MPPED2: variants seen among roughly 807,000 people sequenced by gnomAD.
The protein encoded by MPPED2 is metallophosphoesterase domain containing 2, also known as metallophosphoesterase MPPED2.
MPPED2 carries 5 observed loss-of-function variants against 33.0 expected under a neutral mutation model. The observed-to-expected ratio is 0.15, with a 90% CI of 0.08 to 0.32. The LOEUF is 0.32. Among genes scored for constraint, MPPED2 ranks in the 10% least tolerant of loss-of-function variants. MPPED2 has a pLI of 1.00. For missense variants in MPPED2, 275 were observed against 372.1 expected, an observed-to-expected ratio of 0.74 and a Z score of 2.15; for synonymous variants, 136 against 141.9, an observed-to-expected ratio of 0.96 and a Z score of 0.29.
chr11:30,547,114 CAAGATTGCCCAGCTAGTACATGGCTGAG>C (rs1432048050), intron 2 of MPPED2, among the ~76,000 whole-genome samples: 1 of 152,138 alleles, frequency 6.6e-6, no homozygotes, highest in African/African-American at 2.4e-5. Context: ...TTGACTTGCC[CAAGATTGCCCAGCTAGTACATGGCTGAG>C]AAGAGAATCA....
intron 4 of MPPED2, chr11:30,451,887 C>T (rs1401314811): frequency 5.1e-6 from 5 of 984,960 alleles, no homozygotes; most frequent in South Asian, 9.4e-5. Context: ...CTAGTTCCAG[C>T]TCAATGCAAT....
exon 7 of MPPED2, chr11:30,387,681 G>T (rs937556779): frequency 6.6e-6 from 1 of 152,314 alleles, no homozygotes; most frequent in East Asian, 1.9e-4. Context: ...GCTTCTTTGA[G>T]GTTCTGTGGT....
intron 4 of MPPED2, among the ~76,000 whole-genome samples, chr11:30,460,748 G>T (rs959185622): frequency 6.6e-6 from 1 of 152,182 alleles, no homozygotes; most frequent in Non-Finnish European, 1.5e-5. Flanking sequence ...AATTATGTCT[G>T]CTAAAAAGTA....
chr11:30,473,392 T>C (rs1951035346), intron 4 of MPPED2, among the ~76,000 whole-genome samples: 1 of 152,218 alleles, frequency 6.6e-6, no homozygotes, highest in Admixed American at 6.5e-5. Context: ...ACCTAGCTTC[T>C]GGAAATGCCT....
At chr11:30,414,171 G>T in intron 6 of MPPED2, 57 bp downstream of exon 6, 1 of 1,206,054 alleles carries the variant, frequency 8.3e-7, no homozygotes, top group Non-Finnish European at 1.2e-6. Context: ...CCTAGTTGTA[G>T]ACTGAGATAG....
chr11:30,542,459 C>CAAAAA (rs59474313), intron 2 of MPPED2, among the ~76,000 whole-genome samples: 72 of 77,756 alleles, frequency 9.3e-4, no homozygotes, highest in African/African-American at 3.6e-3. Flanking sequence ...ACCAAAAGTA[C>CAAAAA]AAAAAAAAAA....
At chr11:30,403,187 C>A (rs377294330) in intron 6 of MPPED2, among the ~76,000 whole-genome samples, 17 of 151,698 alleles carry the variant, frequency 1.1e-4, no homozygotes, top group African/African-American at 3.9e-4. Flanking sequence ...GCGGAGCTTG[C>A]CGTGAGCCGA....
At chr11:30,566,024 A>G (rs2134760550) in intron 2 of MPPED2, among the ~76,000 whole-genome samples, 1 of 152,302 alleles carries the variant, frequency 6.6e-6, no homozygotes, top group South Asian at 2.1e-4. Context: ...TATTAAAAAA[A>G]AAATGTAGAG....
intron 4 of MPPED2, among the ~76,000 whole-genome samples, chr11:30,433,924 TG>T (rs1449042564): frequency 6.6e-6 from 1 of 152,190 alleles, no homozygotes; most frequent in Non-Finnish European, 1.5e-5. Flanking sequence ...TGGTTTCTTT[TG>T]GAAGCTCTGA....
chr11:30,566,376 T>C (rs1363811153), intron 2 of MPPED2, among the ~76,000 whole-genome samples: 1 of 152,188 alleles, frequency 6.6e-6, no homozygotes, highest in Non-Finnish European at 1.5e-5. Context: ...TTTTTTCCTA[T>C]GTTAGAAATG....
intron 4 of MPPED2, chr11:30,429,328 C>T (rs1240728138): frequency 1.3e-5 from 2 of 152,112 alleles, no homozygotes; most frequent in East Asian, 1.9e-4. Context: ...TGTTTGAAAG[C>T]TCGGGGGAAT....
At chr11:30,571,877 CT>C (rs1342494254) in intron 2 of MPPED2, among the ~76,000 whole-genome samples, 1 of 152,142 alleles carries the variant, frequency 6.6e-6, no homozygotes, top group African/African-American at 2.4e-5. Context: ...CACAAACTAC[CT>C]ATTTCATTAC....
intron 6 of MPPED2, among the ~76,000 whole-genome samples, chr11:30,390,637 T>C (rs1292946682): frequency 6.6e-6 from 1 of 152,228 alleles, no homozygotes; most frequent in Non-Finnish European, 1.5e-5. Context: ...GGTTAGCCTT[T>C]GCTGTGTAAC....
At chr11:30,583,270 A>G (rs1957277064) in intron 1 of MPPED2, among the ~76,000 whole-genome samples, 1 of 151,390 alleles carries the variant, frequency 6.6e-6, no homozygotes, top group Non-Finnish European at 1.5e-5. Flanking sequence ...GCTTACAACT[A>G]TCAAGAAGAT....
chr11:30,394,772 A>G (rs1190703976), intron 6 of MPPED2, among the ~76,000 whole-genome samples: 1 of 152,164 alleles, frequency 6.6e-6, no homozygotes, highest in Admixed American at 6.5e-5. Context: ...TCAACTTACA[A>G]ATTTTTTTCT....
intron 4 of MPPED2, among the ~76,000 whole-genome samples, chr11:30,466,805 GA>G (rs1377346361): frequency 1.3e-5 from 2 of 152,190 alleles, no homozygotes; most frequent in East Asian, 3.9e-4. Context: ...GCATTTGGAA[GA>G]GATAATTGTT....
intron 4 of MPPED2, among the ~76,000 whole-genome samples, chr11:30,493,251 G>T (rs1346033693): frequency 6.6e-6 from 1 of 151,680 alleles, no homozygotes; most frequent in Non-Finnish European, 1.5e-5. Context: ...GGCGCCTGTA[G>T]TCCCAGCTAC....
rs1340679653 is a variant in MPPED2, at chr11:30,570,380, T to C, written c.128+9866A>G. 2.0e-5 allele frequency among the ~76,000 whole-genome samples: 3 copies of C among 152,068 alleles called. No individual in the cohort carries two copies. The East Asian group carries it at 5.8e-4, about 29-fold the overall frequency. ...CACCTTGGGAGTTAGGATTTCAACA[T>C]ATGCATTCTGGAGGGGTACAAATAT... On this transcript the variant is annotated intron_variant, in intron 2 of 6. Transcript: ENST00000358117.
chr11:30,403,288 A>C (rs892785250), intron 6 of MPPED2, among the ~76,000 whole-genome samples: 1 of 151,902 alleles, frequency 6.6e-6, no homozygotes, highest in Admixed American at 6.6e-5. Context: ...GGAAGTTGTT[A>C]TCCTTTGTAC....
Sources: gnomAD v4.1 joint callset for allele counts (sites outside exome capture counted in the v4.1 genomes callset) on GRCh38, gnomAD v4.1.1 for gene constraint, MANE v1.5 for transcripts, NCBI Gene and HGNC (gene_info 2026-07-23, HGNC 2026-07-21) for gene names.